EIF4E3: variants seen among roughly 807,000 people sequenced by gnomAD.
The protein encoded by EIF4E3 is eukaryotic translation initiation factor 4E family member 3.
EIF4E3 carries 26 observed loss-of-function variants against 31.7 expected under a neutral mutation model. The observed-to-expected ratio is 0.82, with a 90% CI of 0.60 to 1.14. The LOEUF is 1.14. Ranked by LOEUF, EIF4E3 falls within the 50% of genes most tolerant of loss-of-function variation. The pLI is 0.00. For synonymous variants in EIF4E3, 128 were observed against 107.7 expected, an observed-to-expected ratio of 1.19 and a Z score of -1.17; for missense variants, 304 against 270.9, an observed-to-expected ratio of 1.12 and a Z score of -0.86.
intron 1 of EIF4E3, among the ~76,000 whole-genome samples, chr3:71,716,389 C>T (rs1460359916): frequency 5.3e-5 from 8 of 152,098 alleles, no homozygotes; most frequent in African/African-American, 1.4e-4. Context: ...CCCGCCACCA[C>T]GCCCAGCTAA....
intron 6 of EIF4E3, among the ~76,000 whole-genome samples, chr3:71,687,994 T>C (rs1475981569): frequency 6.6e-6 from 1 of 150,732 alleles, no homozygotes; most frequent in African/African-American, 2.4e-5. Context: ...CCTGCTTTGT[T>C]TACAATAAAG....
chr3:71,697,924 A>G (rs557705143), intron 3 of EIF4E3, among the ~76,000 whole-genome samples: 1 of 152,274 alleles, frequency 6.6e-6, no homozygotes, highest in Non-Finnish European at 1.5e-5. Context: ...TTTGGGGTAT[A>G]TATCTGGCAG....
At chr3:71,748,227 C>T (rs2049892863) in intron 1 of EIF4E3, among the ~76,000 whole-genome samples, 1 of 151,532 alleles carries the variant, frequency 6.6e-6, no homozygotes, top group South Asian at 2.1e-4. Context: ...TCAATCAAAA[C>T]AAGATGGTAA....
In EIF4E3 at chr3:71,679,715, A is replaced by G. The variant is rs1329591567; in HGVS notation, c.*4967T>C. 1 of 152,188 alleles carries G rather than the reference A, an allele frequency of 6.6e-6. No individual in the cohort carries two copies. The highest frequency in any genetic ancestry group is 1.5e-5 in the Non-Finnish European group (1 of 68,022). 9.4% of individuals were successfully genotyped at this position (152,188 alleles called of 1,614,324 possible). A position where few individuals can be genotyped will look rare whatever the true frequency, so the allele number is the denominator to read the frequency against. The stretch of plus-strand genomic sequence containing the variant: ...TTTTGACATTTCTATGTATTAAAGG[A>G]TCTCTCCAGTTTAGTAACAGCTTTG... On this transcript the variant is annotated 3_prime_UTR_variant, in exon 7 of 7. Coordinates refer to ENST00000425534, the MANE Select transcript of EIF4E3 (RefSeq NM_001134651.2).
At chr3:71,705,337 C>T (rs912229832) in intron 2 of EIF4E3, among the ~76,000 whole-genome samples, 1 of 152,142 alleles carries the variant, frequency 6.6e-6, no homozygotes, top group African/African-American at 2.4e-5. Flanking sequence ...TCCAGTCAGG[C>T]GGCTTGACCT....
At chr3:71,722,596 C>T (rs145522333) in intron 1 of EIF4E3, among the ~76,000 whole-genome samples, 133 of 152,304 alleles carry the variant, frequency 8.7e-4, no homozygotes, top group African/African-American at 2.9e-3. Context: ...CCTCAAATGC[C>T]GAAATCCTTA....
chr3:71,660,512 A>C, the EIF4E3 span, among the ~76,000 whole-genome samples: 1 of 152,100 alleles, frequency 6.6e-6, no homozygotes, highest in Non-Finnish European at 1.5e-5. Context: ...ATGGAGAGAG[A>C]GCGACATCTG....
intron 2 of EIF4E3, among the ~76,000 whole-genome samples, chr3:71,705,602 C>G (rs908383654): frequency 1.3e-5 from 2 of 152,056 alleles, no homozygotes; most frequent in Non-Finnish European, 1.5e-5. Context: ...ATCTTTAAGG[C>G]GATACACCAA....
At position 71,725,343 on chromosome 3, in the gene EIF4E3, G is replaced by C. The variant is rs986281064; in HGVS notation, c.25C>G (p.Pro9Ala). 3 of 973,182 alleles carry C rather than the reference G, an allele frequency of 3.1e-6. No homozygotes were observed. Among genetic ancestry groups the C allele is most frequent in the Non-Finnish European group, 3.7e-6 (3 of 821,634 alleles). The allele number at this position is 973,182 out of a possible 1,614,324, so 60.3% of individuals were successfully genotyped here. A position where few individuals can be genotyped will look rare whatever the true frequency, so the allele number is the denominator to read the frequency against. Residue 9 changes from proline (P) to alanine (A), a missense_variant, in exon 1 of 7, where the codon CCC becomes GCC. By Grantham distance (27) the Pro-to-Ala change is conservative. Transcript: ENST00000425534. This position sits in a 1 kb window ranked among gnomAD's most constrained non-coding sequence, Gnocchi z 6.1. MALPPAAA[P>A]PAGAREPPGS... ...GGCGGCTCCCGGGCCCCGGCGGGGG[G>C]CGCGGCGGCCGGGGGCAGCGCCATT...
the EIF4E3 span, among the ~76,000 whole-genome samples, chr3:71,662,568 C>T: frequency 6.6e-6 from 1 of 152,154 alleles, no homozygotes; most frequent in Non-Finnish European, 1.5e-5. Context: ...GTTTCGTTCC[C>T]TTGAATTACA....
chr3:71,710,606 A>C, intron 1 of EIF4E3, 122 bp from the exon 2 acceptor site: 2 of 851,102 alleles, frequency 2.3e-6, no homozygotes, highest in Admixed American at 2.7e-5. Flanking sequence ...AGGACTGGAC[A>C]TTTTGGGGAT....
intron 2 of EIF4E3, among the ~76,000 whole-genome samples, chr3:71,702,974 C>G (rs142405957): frequency 1.7e-3 from 266 of 152,308 alleles, no homozygotes; most frequent in African/African-American, 5.4e-3. Context: ...TTAAATTTTA[C>G]TATATATAAA....
chr3:71,693,827 G>A, intron 5 of EIF4E3, 48 bp downstream of exon 5: 2 of 1,462,218 alleles, frequency 1.4e-6, no homozygotes, highest in Non-Finnish European at 1.8e-6. Flanking sequence ...ACAAGCACAA[G>A]CCAGGAGCAC....
At chr3:71,718,353 C>T (rs2049496365) in intron 1 of EIF4E3, among the ~76,000 whole-genome samples, 1 of 152,240 alleles carries the variant, frequency 6.6e-6, no homozygotes. Flanking sequence ...AATAATGCAT[C>T]TACTGAAAAT....
At chr3:71,700,612 TAAAAA>T (rs377334249) in intron 2 of EIF4E3, among the ~76,000 whole-genome samples, 1 of 127,340 alleles carries the variant, frequency 7.9e-6, no homozygotes. Context: ...AGACTCCGTT[TAAAAA>T]AAAAAAAAAA....
At chr3:71,741,728 A>T (rs2049822987) in intron 1 of EIF4E3, among the ~76,000 whole-genome samples, 1 of 152,228 alleles carries the variant, frequency 6.6e-6, no homozygotes, top group Non-Finnish European at 1.5e-5. Flanking sequence ...ATTCTTTTCA[A>T]GGGTACACAG....
intron 1 of EIF4E3, among the ~76,000 whole-genome samples, chr3:71,723,095 A>G (rs1022376552): frequency 6.6e-6 from 1 of 152,192 alleles, no homozygotes; most frequent in African/African-American, 2.4e-5. Context: ...TCAAAAACCG[A>G]TGTCATCTTG....
upstream of EIF4E3, among the ~76,000 whole-genome samples, chr3:71,729,683 CAAT>C (rs1429673420): frequency 2.0e-5 from 3 of 152,186 alleles, no homozygotes; most frequent in Non-Finnish European, 2.9e-5. Context: ...ATTCCACACT[CAAT>C]AAATATTTGT....
intron 1 of EIF4E3, among the ~76,000 whole-genome samples, chr3:71,713,461 A>G (rs2049413005): frequency 6.6e-6 from 1 of 152,070 alleles, no homozygotes. Flanking sequence ...TTTTGGGAAA[A>G]GGTCTCACTC....
Sources: gnomAD v4.1 joint callset for allele counts (sites outside exome capture counted in the v4.1 genomes callset) on GRCh38, gnomAD v4.1.1 for gene constraint, Gnocchi (gnomAD v3.1) non-coding constraint, MANE v1.5 for transcripts, NCBI Gene and HGNC (gene_info 2026-07-23, HGNC 2026-07-21) for gene names.